MRPS21: variants seen among roughly 807,000 people sequenced by gnomAD.
MRPS21 encodes the protein small ribosomal subunit protein bS21m.
A neutral mutation model predicts 9.9 loss-of-function variants in MRPS21; 8 were observed. The observed-to-expected ratio is 0.81, with a 90% CI of 0.47 to 1.45. The LOEUF is 1.45. Ranked by LOEUF, MRPS21 falls within the 40% of genes most tolerant of loss-of-function variation. The pLI, the probability that MRPS21 is intolerant of heterozygous loss-of-function variation, is 0.00. For synonymous variants in MRPS21, 40 were observed against 40.3 expected (o/e 0.99, Z 0.03); for missense variants, 101 against 118.9 (o/e 0.85, Z 0.70).
Position 150,294,337 on chromosome 1 carries a change from T to C in MRPS21, c.-30T>C. 1.3e-6 allele frequency: 2 copies of C among 1,582,846 alleles called. No homozygotes were observed. Among genetic ancestry groups the C allele is most frequent in the Non-Finnish European group, 1.7e-6 (2 of 1,153,228 alleles). On this transcript the variant is annotated splice_region_variant and 5_prime_UTR_variant, in exon 2 of 3. Transcript: ENST00000614145. Reference sequence around the variant, plus strand: ...GCCCTTTCTCCATCATCCTTTAGGCTCTACAGAGTGAAGGTTTAAATCCAA... The same window carrying C: ...GCCCTTTCTCCATCATCCTTTAGGCCCTACAGAGTGAAGGTTTAAATCCAA...
chr1:150,308,030 T>C lies in MRPS21; in HGVS notation c.84-18T>C, dbSNP rs1553858796. ...TGATGATCCCAAATGTCTAACCTCA[T>C]TGCTTGCCTTTATACAGAATCCTCA... On this transcript the variant is annotated intron_variant, in intron 2 of 2. Transcript: ENST00000614145. 1.9e-6 allele frequency: 3 copies of C among 1,552,462 alleles called. No individual in the cohort carries two copies. The highest frequency in any genetic ancestry group is 2.6e-6 in the Non-Finnish European group (3 of 1,135,598).
At chr1:150,303,377 A>G (rs1348837411) in intron 2 of MRPS21, among the ~76,000 whole-genome samples, 1 of 151,644 alleles carries the variant, frequency 6.6e-6, no homozygotes, top group Admixed American at 6.6e-5. Flanking sequence ...ATTAGACAGT[A>G]TTAAACACAA....
chr1:150,298,866 C>G (rs1654009205), intron 2 of MRPS21, among the ~76,000 whole-genome samples: 1 of 152,176 alleles, frequency 6.6e-6, no homozygotes, highest in African/African-American at 2.4e-5. Flanking sequence ...TCCCAAAGTG[C>G]TGGGATTACA....
chr1:150,307,598 A>G (rs1327340248), intron 2 of MRPS21, among the ~76,000 whole-genome samples: 1 of 150,968 alleles, frequency 6.6e-6, no homozygotes, highest in African/African-American at 2.4e-5. Flanking sequence ...CTTTTTTGAG[A>G]CAGGGTCTTA....
At chr1:150,294,632 C>T (rs948919193) in intron 2 of MRPS21, among the ~76,000 whole-genome samples, 183 bp downstream of exon 2, 1 of 152,156 alleles carries the variant, frequency 6.6e-6, no homozygotes, top group South Asian at 2.1e-4. Context: ...GGCGCGGTGG[C>T]TCACGCCTGT....
At chr1:150,294,285 T>C (rs1653833006) in intron 1 of MRPS21, 50 bp from the exon 2 acceptor site, 3 of 1,279,098 alleles carry the variant, frequency 2.3e-6, no homozygotes, top group South Asian at 1.2e-5. Flanking sequence ...GTTTGTATTA[T>C]GTTGCGTTTC....
chr1:150,308,131 G>A lies in MRPS21; in HGVS notation c.167G>A (p.Ser56Asn). 6.2e-7 allele frequency: 1 copy of A among 1,609,812 alleles called. No individual in the cohort carries two copies. The highest frequency in any genetic ancestry group is 8.5e-7 in the Non-Finnish European group (1 of 1,176,330). ...CCATGCTGCCGGCGACAGAGGGAAA[G>A]CTATGAAAGGTGCCGGCGGATCTAC... is the stretch of plus-strand genomic sequence containing the variant. ...EKPCCRRQRE[S>N]YERCRRIYNM... The change falls in exon 3 of 3, where the codon AGC (serine) becomes AAC (asparagine). Residue 56 changes from serine to asparagine, a missense_variant. Transcript: ENST00000614145.
At chr1:150,305,960 T>C (rs1328923363) in intron 2 of MRPS21, among the ~76,000 whole-genome samples, 1 of 152,200 alleles carries the variant, frequency 6.6e-6, no homozygotes, top group Non-Finnish European at 1.5e-5. Flanking sequence ...AACCTGCTCA[T>C]GTCCCTTTCC....
At chr1:150,302,915 T>C (rs1449486574) in intron 2 of MRPS21, among the ~76,000 whole-genome samples, 2 of 152,182 alleles carry the variant, frequency 1.3e-5, no homozygotes, top group Non-Finnish European at 2.9e-5. Context: ...TTGGAATTTA[T>C]TTGGTCTGTG....
At chr1:150,305,059 G>A (rs587593772) in intron 2 of MRPS21, 2 of 367,204 alleles carry the variant, frequency 5.4e-6, no homozygotes, top group Admixed American at 3.4e-5. Context: ...AAAGAAATAG[G>A]GTCTTGCTTG....
intron 2 of MRPS21, among the ~76,000 whole-genome samples, chr1:150,305,666 C>T (rs1257154562): frequency 6.6e-6 from 1 of 152,088 alleles, no homozygotes; most frequent in African/African-American, 2.4e-5. Flanking sequence ...TTGATCTCGG[C>T]TCATTGCAAC....
At chr1:150,295,600 G>A (rs1202876982) in intron 2 of MRPS21, among the ~76,000 whole-genome samples, 7 of 152,222 alleles carry the variant, frequency 4.6e-5, no homozygotes, top group Non-Finnish European at 1.0e-4. Flanking sequence ...AAAGCTAAAG[G>A]AAAAGGTGAA....
Position 150,308,359 on chromosome 1 carries a change from C to A in MRPS21, c.*131C>A, listed in dbSNP as rs1654429603. 4.6e-6 allele frequency: 4 copies of A among 867,518 alleles called. No homozygotes were observed. The highest frequency in any genetic ancestry group is 1.7e-5 in the African/African-American group (1 of 59,636). The allele number at this position is 867,518 out of a possible 1,614,324, so 53.7% of individuals were successfully genotyped here. On this transcript the variant is annotated 3_prime_UTR_variant, in exon 3 of 3. Transcript: ENST00000614145. ...AATCACATGTCTGCAAGAAGGCCTC[C>A]AAATATAGAAACAATCCCATTAGTC...
chr1:150,293,924 A>C, intron 1 of MRPS21, 26 bp downstream of exon 1: 1 of 203,036 alleles, frequency 4.9e-6, no homozygotes, highest in Non-Finnish European at 1.0e-5. Flanking sequence ...GGGTTTGGGG[A>C]AAGGAAGGCT....
chr1:150,307,987 G>T, intron 2 of MRPS21, 61 bp from the exon 3 acceptor site: 2 of 1,416,460 alleles, frequency 1.4e-6, no homozygotes, highest in Non-Finnish European at 1.9e-6. Context: ...TTCTATTTAT[G>T]AAACTGGAAA....
At chr1:150,297,114 AC>A (rs1291127207) in intron 2 of MRPS21, among the ~76,000 whole-genome samples, 2 of 151,500 alleles carry the variant, frequency 1.3e-5, no homozygotes, top group Non-Finnish European at 2.9e-5. Context: ...ACACGGTGAA[AC>A]CCCGTCTCTA....
At chr1:150,296,835 C>T (rs1653929608) in intron 2 of MRPS21, among the ~76,000 whole-genome samples, 1 of 151,916 alleles carries the variant, frequency 6.6e-6, no homozygotes, top group Non-Finnish European at 1.5e-5. Flanking sequence ...GTCATTTCAG[C>T]AGGTGTCGCT....
intron 2 of MRPS21, among the ~76,000 whole-genome samples, chr1:150,305,281 C>T (rs990070648): frequency 1.1e-4 from 16 of 152,070 alleles, no homozygotes; most frequent in African/African-American, 3.6e-4. Flanking sequence ...TCAAGTGATC[C>T]TCCCAGCTCG....
At chr1:150,297,291 C>A (rs11449483) in intron 2 of MRPS21, among the ~76,000 whole-genome samples, 149,279 of 149,608 alleles carry the variant, frequency 1, 74,475 homozygotes, top group East Asian at 1. Context: ...ACTCTGTCTA[C>A]AAAAAAAAAA....
Sources: gnomAD v4.1 joint callset for allele counts (sites outside exome capture counted in the v4.1 genomes callset) on GRCh38, gnomAD v4.1.1 for gene constraint, MANE v1.5 for transcripts, NCBI Gene and HGNC (gene_info 2026-07-23, HGNC 2026-07-21) for gene names.